KCNN2: variants seen among roughly 807,000 people sequenced by gnomAD.
KCNN2 encodes small conductance calcium-activated potassium channel protein 2.
KCNN2 carries 24 observed loss-of-function variants against 55.5 expected under a neutral mutation model. That is an observed-to-expected ratio of 0.43 (90% CI 0.31 to 0.61). The LOEUF is 0.61. Among genes scored for constraint, KCNN2 ranks in the 20% least tolerant of loss-of-function variants. KCNN2 has a pLI of 0.08. For synonymous variants in KCNN2, 431 were observed against 336.1 expected, an observed-to-expected ratio of 1.28 and a Z score of -3.09; for missense variants, 754 against 853.6, an observed-to-expected ratio of 0.88 and a Z score of 1.45.
At chr5:114,143,231 A>C (rs1215170459) in intron 1 of KCNN2, among the ~76,000 whole-genome samples, 1 of 152,178 alleles carries the variant, frequency 6.6e-6, no homozygotes, top group East Asian at 1.9e-4. Context: ...CTTTAACAGA[A>C]CATCTGTATA....
chr5:114,384,504 G>A (rs337685), intron 2 of KCNN2, among the ~76,000 whole-genome samples: 75,664 of 152,002 alleles, frequency 0.5, 19,791 homozygotes, highest in African/African-American at 0.65. Context: ...AGTCTGTGCC[G>A]TAAGTGTGCT....
At chr5:114,107,588 C>T (rs1482803678) in intron 1 of KCNN2, among the ~76,000 whole-genome samples, 2 of 151,470 alleles carry the variant, frequency 1.3e-5, no homozygotes, top group Non-Finnish European at 2.9e-5. Flanking sequence ...TTTGTAGAGA[C>T]GAAGGTCTGT....
chr5:114,304,311 A>G (rs1188280564), intron 2 of KCNN2, among the ~76,000 whole-genome samples: 1 of 152,248 alleles, frequency 6.6e-6, no homozygotes, highest in African/African-American at 2.4e-5. Context: ...TGGTGCAAAA[A>G]AGGTAGGTGT....
intron 2 of KCNN2, among the ~76,000 whole-genome samples, chr5:114,306,893 G>A (rs567617219): frequency 4.6e-5 from 7 of 151,932 alleles, no homozygotes; most frequent in East Asian, 3.9e-4. Context: ...TAGTAGAGAC[G>A]AGGTGTTGCC....
intron 2 of KCNN2, among the ~76,000 whole-genome samples, chr5:114,322,604 C>CACAT (rs1554081430): frequency 1.3e-5 from 2 of 151,608 alleles, no homozygotes; most frequent in African/African-American, 4.9e-5. Context: ...CACACACACA[C>CACAT]ATACACACTT....
intron 1 of KCNN2, among the ~76,000 whole-genome samples, chr5:114,206,763 C>T (rs1438077185): frequency 6.8e-6 from 1 of 147,484 alleles, no homozygotes. Flanking sequence ...CCTGGTACTT[C>T]TTTTTTTTTT....
At chr5:114,319,540 TATTTA>T (rs1756573265) in intron 2 of KCNN2, among the ~76,000 whole-genome samples, 2 of 152,180 alleles carry the variant, frequency 1.3e-5, no homozygotes, top group African/African-American at 2.4e-5. Context: ...CCCATAAATA[TATTTA>T]AAGCTGAGGT....
At chr5:114,173,438 T>TTG (rs61630138) in intron 1 of KCNN2, among the ~76,000 whole-genome samples, 26,642 of 141,642 alleles carry the variant, frequency 0.19, 2,596 homozygotes, top group Non-Finnish European at 0.24. Context: ...TTTGTTTTGT[T>TTG]TGTGTGTGTG....
chr5:114,177,097 G>C (rs1055079868), intron 1 of KCNN2, among the ~76,000 whole-genome samples: 2 of 150,612 alleles, frequency 1.3e-5, no homozygotes, highest in African/African-American at 2.4e-5. Context: ...TTAAATATAA[G>C]ATATCAAGTG....
intron 2 of KCNN2, among the ~76,000 whole-genome samples, chr5:114,328,126 A>T (rs1756745559): frequency 6.6e-6 from 1 of 152,194 alleles, no homozygotes; most frequent in South Asian, 2.1e-4. Context: ...GTCATGTAAA[A>T]GTCAATTTAT....
chr5:114,386,767 T>A (rs1758302366), intron 2 of KCNN2, among the ~76,000 whole-genome samples: 1 of 152,204 alleles, frequency 6.6e-6, no homozygotes, highest in East Asian at 1.9e-4. Flanking sequence ...AGTAGTTGAC[T>A]AACATGTCAG....
At chr5:114,249,150 TCTG>T (rs1290501479) in intron 2 of KCNN2, among the ~76,000 whole-genome samples, 1 of 152,144 alleles carries the variant, frequency 6.6e-6, no homozygotes, top group African/African-American at 2.4e-5. Context: ...TTCTCTAAGT[TCTG>T]CTGATGATTC....
intron 1 of KCNN2, among the ~76,000 whole-genome samples, chr5:114,069,679 T>C (rs1346394676): frequency 9.2e-5 from 14 of 152,210 alleles, no homozygotes; most frequent in South Asian, 8.3e-4. Context: ...TGACTACCTA[T>C]GATTTTCCAG....
chr5:114,371,503 T>A (rs1397910358), intron 2 of KCNN2, among the ~76,000 whole-genome samples: 1 of 152,160 alleles, frequency 6.6e-6, no homozygotes, highest in East Asian at 1.9e-4. Context: ...CTATATTGAA[T>A]GCTACCAAGG....
At chr5:114,169,268 A>T (rs189288002) in intron 1 of KCNN2, among the ~76,000 whole-genome samples, 13 of 152,228 alleles carry the variant, frequency 8.5e-5, no homozygotes, top group African/African-American at 2.9e-4. Context: ...AACAATGTCA[A>T]TGTCAAATGG....
intron 2 of KCNN2, among the ~76,000 whole-genome samples, chr5:114,338,770 C>T (rs1009872043): frequency 2.0e-5 from 3 of 152,134 alleles, no homozygotes; most frequent in East Asian, 3.9e-4. Flanking sequence ...TTGTCCTGTC[C>T]CCATGCCCTG....
At chr5:114,140,762 C>CCTT (rs375085591) in intron 1 of KCNN2, among the ~76,000 whole-genome samples, 1 of 139,916 alleles carries the variant, frequency 7.1e-6, no homozygotes, top group African/African-American at 2.6e-5. Flanking sequence ...CTGTCATCCT[C>CCTT]ATTATTATTA....
intron 2 of KCNN2, among the ~76,000 whole-genome samples, chr5:114,345,630 T>C (rs1561579303): frequency 6.6e-6 from 1 of 152,180 alleles, no homozygotes; most frequent in Non-Finnish European, 1.5e-5. Flanking sequence ...TTAATTATGA[T>C]GTGTGTTAGT....
intron 3 of KCNN2, among the ~76,000 whole-genome samples, chr5:114,459,719 A>G (rs931953761): frequency 6.6e-6 from 1 of 152,160 alleles, no homozygotes; most frequent in Non-Finnish European, 1.5e-5. Flanking sequence ...TTATTTTGTA[A>G]GCAAAAAGGA....
Sources: gnomAD v4.1 joint callset for allele counts (sites outside exome capture counted in the v4.1 genomes callset) on GRCh38, gnomAD v4.1.1 for gene constraint, MANE v1.5 for transcripts, NCBI Gene and HGNC (gene_info 2026-07-23, HGNC 2026-07-21) for gene names.